Variants in FBXO16 observed in about 807,000 individuals in gnomAD.
The protein encoded by FBXO16 is F-box only protein 16.
A neutral mutation model predicts 41.0 loss-of-function variants in FBXO16; 31 were observed. The observed-to-expected ratio is 0.76, with a 90% confidence interval of 0.57 to 1.02. The LOEUF is 1.02. Ranked by LOEUF, FBXO16 falls within the 50% of genes least tolerant of loss-of-function variation. FBXO16 has a pLI of 0.00. For missense variants in FBXO16, 361 were observed against 346.2 expected (o/e 1.04, Z -0.34); for synonymous variants, 133 against 117.8 (o/e 1.13, Z -0.84).
intron 2 of FBXO16, among the ~76,000 whole-genome samples, chr8:28,481,811 G>GA (rs71549671): frequency 0.31 from 40,957 of 130,546 alleles, 6,618 homozygotes; most frequent in East Asian, 0.64. Flanking sequence ...TCTGTTTCAG[G>GA]AAAAAAAAAA....
chr8:28,435,153 G>A (rs867811921), intron 7 of FBXO16, among the ~76,000 whole-genome samples: 3 of 150,404 alleles, frequency 2.0e-5, no homozygotes, highest in Middle Eastern at 3.4e-3. Flanking sequence ...ACTGACAACT[G>A]AAGGGTGATG....
At chr8:28,463,274 G>A (rs1371646727) in intron 4 of FBXO16, among the ~76,000 whole-genome samples, 1 of 151,536 alleles carries the variant, frequency 6.6e-6, no homozygotes, top group East Asian at 1.9e-4. Context: ...GTATTTGTGT[G>A]TGCATGTGTA....
chr8:28,485,978 C>T (rs1398899190), intron 1 of FBXO16, among the ~76,000 whole-genome samples: 1 of 151,606 alleles, frequency 6.6e-6, no homozygotes, highest in Non-Finnish European at 1.5e-5. Context: ...CATGGTGGCC[C>T]ACCTATAATA....
At chr8:28,465,386 G>T in intron 3 of FBXO16, 1 of 451,310 alleles carries the variant, frequency 2.2e-6, no homozygotes, top group Non-Finnish European at 4.5e-6. Context: ...ACTTTGGGAG[G>T]CAGAGGCAGG....
At position 28,452,357 on chromosome 8, in the gene FBXO16, ATTC is replaced by A. The variant is rs1448275275; in HGVS notation, c.624_626del (p.Lys208del). 2.6e-5 allele frequency: 42 copies of A among 1,614,092 alleles called. No individual in the cohort carries two copies. The highest frequency in any genetic ancestry group is 3.2e-5 in the Non-Finnish European group (38 of 1,180,044). On this transcript the variant is annotated inframe_deletion, in exon 6 of 9. Coordinates refer to ENST00000380254, the MANE Select transcript of FBXO16 (RefSeq NM_172366.4). ...GTGGAAGTGCTTTCTCCCCTGAGTT[ATTC>A]TTCTTTCTTAAAGAGGAAGAGGACC...
Position 28,460,423 on chromosome 8 carries a change from A to ATTTTTTT in FBXO16, c.342+3182_342+3188dup, listed in dbSNP as rs1174276709. On this transcript the variant is annotated intron_variant, in intron 4 of 8. Coordinates refer to ENST00000380254, the MANE Select transcript of FBXO16 (RefSeq NM_172366.4). ...TAGGCACATGCGCTATACCTGGCTA[A>ATTTTTTT]TTTTTTTTTTTTTTTTTTTTTTGAG... Among the ~76,000 whole-genome samples, 122 of 82,488 alleles carry ATTTTTTT rather than the reference A, an allele frequency of 1.5e-3. 15 individuals are homozygous for ATTTTTTT. The highest frequency in any genetic ancestry group is 3.5e-3 in the East Asian group (8 of 2,274). 54.1% of individuals were successfully genotyped at this position (82,488 alleles called of 152,430 possible). A position where few individuals can be genotyped will look rare whatever the true frequency, so the allele number is the denominator to read the frequency against.
intron 8 of FBXO16, 128 bp from the exon 9 acceptor site, chr8:28,428,864 A>AT (rs1238438984): frequency 8.2e-6 from 9 of 1,095,706 alleles, no homozygotes; most frequent in Non-Finnish European, 1.1e-5. Context: ...ATTTATTGAG[A>AT]TTTCCCAACT....
At chr8:28,476,457 T>C (rs1033590630) in intron 2 of FBXO16, among the ~76,000 whole-genome samples, 10 of 152,248 alleles carry the variant, frequency 6.6e-5, no homozygotes, top group African/African-American at 1.9e-4. Flanking sequence ...GTTGGACTTA[T>C]AGTCTTATAC....
chr8:28,471,227 C>G (rs947227533), intron 3 of FBXO16, among the ~76,000 whole-genome samples: 4 of 152,190 alleles, frequency 2.6e-5, no homozygotes, highest in African/African-American at 9.6e-5. Flanking sequence ...TATAAAAATA[C>G]TTCCGGACTG....
Position 28,483,412 on chromosome 8 carries a change from C to T in FBXO16, c.35G>A (p.Gly12Asp). 1 of 1,614,032 alleles carries T rather than the reference C, an allele frequency of 6.2e-7. No homozygotes were observed. Reference protein sequence around the residue: ...MAFAPPKNTDGPKMQTKMSTW... With the variant: ...MAFAPPKNTDDPKMQTKMSTW... The stretch of plus-strand genomic sequence containing the variant: ...GCTCATCTTTGTCTGCATTTTGGGA[C>T]CATCTGTGTTTTTTGGAGGTGCAAA... Residue 12 changes from glycine to aspartate, a missense_variant, in exon 2 of 9, where the codon GGT becomes GAT. Transcript: ENST00000380254.
Position 28,447,242 on chromosome 8 carries a change from A to G in FBXO16, c.772T>C (p.Phe258Leu). The G allele has an allele frequency of 5.0e-6, 8 of 1,613,690 alleles. No individual in the cohort carries two copies. The highest frequency in any genetic ancestry group is 5.9e-6 in the Non-Finnish European group (7 of 1,179,964). ...TTCTTATCATGTGACTGTCGGCTGA[A>G]GTCTGGGGTCATTTGGTTTCTTTTT... ...RRKRNQMTPD[F>L]SRQSHDKKNK... is the part of the protein sequence containing the mutation. The change falls in exon 7 of 9, where the codon TTC becomes CTC. Residue 258 changes from phenylalanine to leucine, a missense_variant. Phe to Leu is a conservative substitution (Grantham distance 22). Coordinates refer to ENST00000380254, the MANE Select transcript of FBXO16 (RefSeq NM_172366.4).
Position 28,428,462 on chromosome 8 carries a change from A to C in FBXO16, c.*265T>G. On this transcript the variant is annotated 3_prime_UTR_variant, in exon 9 of 9. Coordinates refer to ENST00000380254, the MANE Select transcript of FBXO16 (RefSeq NM_172366.4). ...TACCGTAGGACTCACTACCACAATA[A>C]GTACTTAAGCTGAAAGAGTTTCTAA... 1 of 1,154,768 alleles carries C rather than the reference A, an allele frequency of 8.7e-7. No homozygotes were observed. The highest frequency in any genetic ancestry group is 1.2e-6 in the Non-Finnish European group (1 of 845,748). 71.5% of individuals were successfully genotyped at this position (1,154,768 alleles called of 1,614,324 possible).
chr8:28,432,027 A>G (rs1000307208), intron 7 of FBXO16, among the ~76,000 whole-genome samples: 1 of 152,094 alleles, frequency 6.6e-6, no homozygotes, highest in African/African-American at 2.4e-5. Flanking sequence ...GTAGACATAA[A>G]ACGCAAATGT....
At chr8:28,454,903 T>C (rs1251688622) in intron 5 of FBXO16, among the ~76,000 whole-genome samples, 1 of 149,886 alleles carries the variant, frequency 6.7e-6, no homozygotes, top group African/African-American at 2.5e-5. Context: ...TGAATAGATG[T>C]TGAATTTTGT....
intron 1 of FBXO16, among the ~76,000 whole-genome samples, chr8:28,486,060 C>T (rs930534928): frequency 2.0e-5 from 3 of 148,198 alleles, no homozygotes; most frequent in Middle Eastern, 3.5e-3. Context: ...GAGCTGAGGT[C>T]GCGCCACTGC....
At chr8:28,435,879 C>T (rs1325872025) in intron 7 of FBXO16, among the ~76,000 whole-genome samples, 1 of 152,172 alleles carries the variant, frequency 6.6e-6, no homozygotes, top group Non-Finnish European at 1.5e-5. Context: ...GGACCCACCC[C>T]TATCTGTCCA....
rs554127673 is a variant in FBXO16, at chr8:28,442,174, G to A, written c.843+4997C>T. Among the ~76,000 whole-genome samples, 35 of 151,510 alleles carry A rather than the reference G, an allele frequency of 2.3e-4. 1 individual carries two copies. The highest frequency in any genetic ancestry group is 7.8e-4 in the African/African-American group (32 of 41,288). ...AGGCCGGTCTCAAACTCCTGACTTCGTGATCTGCCCTCCTCGGCCTCCCAA... is the reference window on the plus strand; with the variant it reads ...AGGCCGGTCTCAAACTCCTGACTTCATGATCTGCCCTCCTCGGCCTCCCAA... On this transcript the variant is annotated intron_variant, in intron 7 of 8. Coordinates refer to ENST00000380254, the MANE Select transcript of FBXO16 (RefSeq NM_172366.4).
At chr8:28,456,580 C>T in intron 5 of FBXO16, 186 bp downstream of exon 5, 7 of 650,410 alleles carry the variant, frequency 1.1e-5, no homozygotes, top group African/African-American at 3.6e-5. Context: ...CAAATGAGGG[C>T]TCTCAACTAA....
At chr8:28,475,284 C>T (rs187377355) in intron 2 of FBXO16, among the ~76,000 whole-genome samples, 115 of 152,302 alleles carry the variant, frequency 7.6e-4, no homozygotes, top group Non-Finnish European at 5.7e-4. Context: ...ATTGAAATAA[C>T]TGGTTCAACC....
Sources: allele counts gnomAD v4.1 joint callset (sites outside exome capture counted in the v4.1 genomes callset), GRCh38; gene constraint gnomAD v4.1.1; transcripts MANE v1.5; gene names NCBI Gene and HGNC (gene_info 2026-07-23, HGNC 2026-07-21).